The following CMTR1 variants were observed in gnomAD, a reference collection of about 807,000 sequenced individuals.
CMTR1 encodes cap methyltransferase 1.
CMTR1 carries 39 observed loss-of-function variants against 107.0 expected under a neutral mutation model. The ratio of observed to expected loss-of-function variants is 0.36; its 90% CI spans 0.28 to 0.48. The LOEUF (loss-of-function observed/expected upper bound fraction) is 0.48, where lower values mean the gene tolerates loss of function less well. Among genes scored for constraint, CMTR1 ranks in the 20% least tolerant of loss-of-function variants. The probability of loss-of-function intolerance (pLI) is 0.99; values close to 1 mark genes in which losing one functional copy is unlikely to be tolerated. For missense variants in CMTR1, 672 were observed against 1,064.9 expected, an observed-to-expected ratio of 0.63 and a Z score of 5.14; for synonymous variants, 366 against 379.5, an observed-to-expected ratio of 0.96 and a Z score of 0.41.
chr6:37,447,732 C>T (rs1355992503), intron 4 of CMTR1, among the ~76,000 whole-genome samples: 1 of 152,016 alleles, frequency 6.6e-6, no homozygotes, highest in Admixed American at 6.6e-5. Flanking sequence ...GTGGGACTCA[C>T]ACCTGTAATT....
chr6:37,428,335 CT>C (rs1312606145), upstream of CMTR1, among the ~76,000 whole-genome samples: 1 of 152,146 alleles, frequency 6.6e-6, no homozygotes, highest in Non-Finnish European at 1.5e-5. Flanking sequence ...GTTGTGACGA[CT>C]TTTGTGGAAG....
intron 8 of CMTR1, 85 bp downstream of exon 8, chr6:37,453,397 T>C (rs1439468700): frequency 8.2e-7 from 1 of 1,221,552 alleles, no homozygotes; most frequent in East Asian, 2.3e-5. Context: ...TGTTCAATGC[T>C]AGGAGAGTAT....
intron 5 of CMTR1, among the ~76,000 whole-genome samples, 185 bp from the exon 6 acceptor site, chr6:37,451,621 C>T (rs1761174490): frequency 6.6e-6 from 1 of 152,160 alleles, no homozygotes; most frequent in South Asian, 2.1e-4. Context: ...CTTCATCTCA[C>T]AGCCATCTGG....
chr6:37,452,562 AT>A (rs1306829894), intron 6 of CMTR1, among the ~76,000 whole-genome samples: 1 of 152,168 alleles, frequency 6.6e-6, no homozygotes, highest in Admixed American at 6.5e-5. Flanking sequence ...GGATTTCTTT[AT>A]CTAGAGAGGA....
chr6:37,471,965 T>A, intron 15 of CMTR1, 61 bp downstream of exon 15: 5 of 1,497,938 alleles, frequency 3.3e-6, no homozygotes, highest in Non-Finnish European at 4.6e-6. Context: ...AAGAATGGGG[T>A]TGACTCCCAA....
At chr6:37,456,360 G>A in intron 8 of CMTR1, among the ~76,000 whole-genome samples, 1 of 152,224 alleles carries the variant, frequency 6.6e-6, no homozygotes, top group East Asian at 1.9e-4. Flanking sequence ...TGCTGGGGCG[G>A]CTTAGTAAGG....
rs955971263 is a variant in CMTR1, at chr6:37,480,442, A to G, written c.*297A>G. 1.4e-4 allele frequency: 175 copies of G among 1,217,956 alleles called. 1 individual carries two copies. Among genetic ancestry groups the G allele is most frequent in the South Asian group, 1.0e-3 (52 of 51,064 alleles). 75.4% of individuals were successfully genotyped at this position (1,217,956 alleles called of 1,614,324 possible). On this transcript the variant is annotated 3_prime_UTR_variant, in exon 24 of 24. Transcript: ENST00000373451. Reference sequence around the variant, plus strand: ...TCAGTGCCTAGGGCACGTGGGACTGATGGAGGACATATCAGAGTGGCAGAG... The same window carrying G: ...TCAGTGCCTAGGGCACGTGGGACTGGTGGAGGACATATCAGAGTGGCAGAG...
At chr6:37,463,603 G>A (rs1761444593) in intron 13 of CMTR1, among the ~76,000 whole-genome samples, 3 of 152,142 alleles carry the variant, frequency 2.0e-5, no homozygotes, top group Non-Finnish European at 4.4e-5. Context: ...ATAGGCTGGA[G>A]GGTTGTATAG....
chr6:37,424,993 G>T, the CMTR1 span, among the ~76,000 whole-genome samples: 1 of 144,434 alleles, frequency 6.9e-6, no homozygotes, highest in Non-Finnish European at 1.5e-5. Flanking sequence ...TTGTCGCCCA[G>T]GCTGGAGTGC....
In CMTR1 at chr6:37,435,628, C is replaced by T. The variant is rs545233381; in HGVS notation, c.-2C>T. 6 of 1,594,980 alleles carry T rather than the reference C, an allele frequency of 3.8e-6. No individual in the cohort carries two copies. The highest frequency in any genetic ancestry group is 1.7e-4 in the Middle Eastern group (1 of 6,030). On this transcript the variant is annotated 5_prime_UTR_variant, in exon 2 of 24. In the 5' UTR this introduces an upstream ATG that the reference lacks. Transcript: ENST00000373451. Reference sequence around the variant, plus strand: ...TGACTGGATTTATGGTTACAGTTAACGATGAAGAGGAGAACTGACCCAGAA... The same window carrying T: ...TGACTGGATTTATGGTTACAGTTAATGATGAAGAGGAGAACTGACCCAGAA...
chr6:37,449,103 G>T (rs907181440), intron 4 of CMTR1, among the ~76,000 whole-genome samples: 1 of 151,996 alleles, frequency 6.6e-6, no homozygotes, highest in Non-Finnish European at 1.5e-5. Flanking sequence ...ACCATGCCTG[G>T]CTAATTTTTT....
intron 2 of CMTR1, among the ~76,000 whole-genome samples, chr6:37,439,476 C>A (rs962641971): frequency 1.3e-5 from 2 of 152,202 alleles, no homozygotes; most frequent in Non-Finnish European, 2.9e-5. Context: ...ATTAAAGGCG[C>A]CTTCCTCTCC....
At chr6:37,440,807 A>C (rs1219061066) in intron 2 of CMTR1, among the ~76,000 whole-genome samples, 1 of 152,142 alleles carries the variant, frequency 6.6e-6, no homozygotes, top group African/African-American at 2.4e-5. Context: ...TCTCTCTTTG[A>C]GATCTTAGGG....
intron 12 of CMTR1, 88 bp from the exon 13 acceptor site, chr6:37,462,741 G>A: frequency 7.8e-7 from 1 of 1,283,294 alleles, no homozygotes; most frequent in African/African-American, 1.5e-5. Context: ...AAGCCATTAA[G>A]CTTTGTGATT....
the CMTR1 span, among the ~76,000 whole-genome samples, chr6:37,426,595 G>A: frequency 4.6e-5 from 7 of 151,640 alleles, no homozygotes; most frequent in Admixed American, 2.0e-4. Context: ...GTGCAGTAAC[G>A]CAATCTTGGC....
intron 19 of CMTR1, chr6:37,475,791 T>C (rs1761724683): frequency 2.1e-6 from 1 of 476,616 alleles, no homozygotes; most frequent in Admixed American, 3.4e-5. Context: ...TGCACTGTAG[T>C]TTCCATGCTT....
chr6:37,478,177 A>G (rs1761777933), intron 21 of CMTR1, among the ~76,000 whole-genome samples: 1 of 152,114 alleles, frequency 6.6e-6, no homozygotes, highest in African/African-American at 2.4e-5. Flanking sequence ...TCCCTCAAGC[A>G]GCAGTGACAC....
chr6:37,431,117 T>C (rs1771357456), upstream of CMTR1, among the ~76,000 whole-genome samples: 1 of 151,518 alleles, frequency 6.6e-6, no homozygotes, highest in Non-Finnish European at 1.5e-5. Flanking sequence ...CATTAAAAAA[T>C]AAAATTTAAC....
chr6:37,436,817 C>G (rs1343006544), intron 2 of CMTR1, among the ~76,000 whole-genome samples: 1 of 152,180 alleles, frequency 6.6e-6, no homozygotes, highest in African/African-American at 2.4e-5. Flanking sequence ...CATATTCAAC[C>G]CAGCACACCA....
Sources: gnomAD v4.1 joint callset for allele counts (sites outside exome capture counted in the v4.1 genomes callset) on GRCh38, gnomAD v4.1.1 for gene constraint, MANE v1.5 for transcripts, NCBI Gene and HGNC (gene_info 2026-07-23, HGNC 2026-07-21) for gene names.